IGFN1: variants seen among roughly 807,000 people sequenced by gnomAD.
The protein encoded by IGFN1 is immunoglobulin-like and fibronectin type III domain-containing protein 1.
In IGFN1, 253 loss-of-function variants were observed where a neutral mutation model predicts 289.5. That is an observed-to-expected ratio of 0.87 (90% CI 0.79 to 0.97). IGFN1 has a LOEUF of 0.97. IGFN1 is among the 50% of genes least tolerant of loss of function. The pLI is 0.00. For missense variants in IGFN1, 4,470 were observed against 4,686.1 expected, an observed-to-expected ratio of 0.95 and a Z score of 1.35; for synonymous variants, 1,706 against 1,788.5, an observed-to-expected ratio of 0.95 and a Z score of 1.16.
chr1:201,195,336 G>C (rs1011366177), intron 3 of IGFN1, among the ~76,000 whole-genome samples: 1 of 152,054 alleles, frequency 6.6e-6, no homozygotes, highest in Non-Finnish European at 1.5e-5. Context: ...ATTTTTAATA[G>C]AGATGGGGTT....
chr1:201,191,873 G>A (rs539117920), intron 1 of IGFN1, among the ~76,000 whole-genome samples: 3 of 152,210 alleles, frequency 2.0e-5, no homozygotes, highest in South Asian at 2.1e-4. Flanking sequence ...GATGATGTGG[G>A]TGACGATGGG....
Position 201,228,871 on chromosome 1 carries a change from C to T in IGFN1, c.*472C>T, listed in dbSNP as rs965822643. ...TGTGTGTGGGTGGGGGCAGCCTCCA[C>T]CTCCTGGATTCAAGAGATTCCAGGG... On this transcript the variant is annotated 3_prime_UTR_variant, in exon 24 of 24. Transcript: ENST00000335211. The T allele has an allele frequency of 6.2e-6, 1 of 162,052 alleles. No individual in the cohort carries two copies. Among genetic ancestry groups the T allele is most frequent in the African/African-American group, 2.4e-5 (1 of 41,690 alleles). 10.0% of individuals were successfully genotyped at this position (162,052 alleles called of 1,614,324 possible).
chr1:201,205,234 T>C lies in IGFN1; in HGVS notation c.1069T>C (p.Tyr357His), dbSNP rs1165477874. The C allele has an allele frequency of 2.6e-6, 4 of 1,550,970 alleles. No homozygotes were observed. The highest frequency in any genetic ancestry group is 3.9e-5 in the Admixed American group (2 of 50,984). ...LLHPSDKYEV[Y>H]VSPDGLTHRL... is the part of the protein sequence containing the mutation. Reference sequence around the variant, plus strand: ...CCACCCCAGTGACAAATATGAAGTGTATGTGTCCCCTGACGGGCTGACCCA... The same window carrying C: ...CCACCCCAGTGACAAATATGAAGTGCATGTGTCCCCTGACGGGCTGACCCA... The change falls in exon 11 of 24, where the codon TAT becomes CAT. Residue 357 changes from tyrosine (Y) to histidine (H), a missense_variant. Transcript: ENST00000335211.
chr1:201,215,958 T>A, intron 15 of IGFN1, 120 bp downstream of exon 15: 1 of 997,026 alleles, frequency 1.0e-6, no homozygotes, highest in Non-Finnish European at 1.6e-6. Context: ...ATTTGCATGC[T>A]GTTTAAGATC....
At chr1:201,221,890 C>A in intron 19 of IGFN1, 144 bp downstream of exon 19, 1 of 652,138 alleles carries the variant, frequency 1.5e-6, no homozygotes, top group Non-Finnish European at 2.6e-6. Context: ...CTACTAGGTG[C>A]TAGGTACTGG....
At position 201,207,536 on chromosome 1, in the gene IGFN1, G is replaced by A. The variant is rs1350188728; in HGVS notation, c.2643G>A (p.Gln881=). The A allele has an allele frequency of 6.5e-7, 1 of 1,536,826 alleles. No homozygotes were observed. Among genetic ancestry groups the A allele is most frequent in the East Asian group, 2.4e-5 (1 of 40,924 alleles). The change falls in exon 12 of 24, where the codon CAG becomes CAA. Residue 881 remains glutamine, a synonymous_variant. Transcript: ENST00000335211. The part of the protein sequence containing the change: ...IWVAGLTESG[Q]GVDARSHWLS... ...TGGCTGGACTGACGGAGTCTGGTCA[G>A]GGGGTGGATGCCAGAAGCCACTGGC... is the stretch of plus-strand genomic sequence containing the variant.
chr1:201,191,886 T>G (rs1358986569), intron 1 of IGFN1, among the ~76,000 whole-genome samples: 1 of 151,862 alleles, frequency 6.6e-6, no homozygotes, highest in African/African-American at 2.4e-5. Context: ...ACGATGGGGA[T>G]GATGACTCAG....
Position 201,208,410 on chromosome 1 carries a change from G to C in IGFN1, c.3517G>C (p.Ala1173Pro), listed in dbSNP as rs7551538. The C allele has an allele frequency of 6.9e-7, 1 of 1,449,162 alleles. No homozygotes were observed. Among genetic ancestry groups the C allele is most frequent in the Non-Finnish European group, 9.0e-7 (1 of 1,108,844 alleles). 89.8% of individuals were successfully genotyped at this position (1,449,162 alleles called of 1,614,324 possible). Residue 1173 changes from alanine to proline, a missense_variant, in exon 12 of 24, where the codon GCT becomes CCT. Transcript: ENST00000335211. Reference sequence around the variant, plus strand: ...GGGGGATGGGACAAGATGCCCTGGTGCTAAGGCCTCTGGAGCTGGAGCTGG... The same window carrying C: ...GGGGGATGGGACAAGATGCCCTGGTCCTAAGGCCTCTGGAGCTGGAGCTGG... ...GEGDGTRCPG[A>P]KASGAGAGYR...
intron 13 of IGFN1, 47 bp from the exon 14 acceptor site, chr1:201,214,966 T>C (rs1388969560): frequency 6.3e-7 from 1 of 1,592,508 alleles, no homozygotes. Flanking sequence ...CTGAAGGAAC[T>C]GGGATGGGAG....
rs747703964 is a variant in IGFN1, at chr1:201,201,773, G to A, written c.688G>A (p.Ala230Thr). 31 of 1,549,952 alleles carry A rather than the reference G, an allele frequency of 2.0e-5. 1 individual carries two copies. Among genetic ancestry groups the A allele is most frequent in the South Asian group, 1.9e-4 (16 of 84,036 alleles). ...RHIRVTKDGN[A>T]KFDLELDLKD... Reference sequence around the variant, plus strand: ...CATCAGGGTCACCAAGGATGGGAATGCAAAGTTTGACTTGGAGCTGGATCT... The same window carrying A: ...CATCAGGGTCACCAAGGATGGGAATACAAAGTTTGACTTGGAGCTGGATCT... Residue 230 changes from alanine to threonine, a missense_variant, in exon 9 of 24, where the codon GCA (alanine) becomes ACA (threonine). Transcript: ENST00000335211.
chr1:201,214,027 G>A lies in IGFN1; in HGVS notation c.8729-150G>A, dbSNP rs530712629. 686 of 760,372 alleles carry A rather than the reference G, an allele frequency of 9.0e-4. 3 individuals carry two copies. Among genetic ancestry groups the A allele is most frequent in the South Asian group, 1.4e-3 (66 of 48,802 alleles). The allele number at this position is 760,372 out of a possible 1,614,324, so 47.1% of individuals were successfully genotyped here. ...TGGGCTCCTGTCTGGGAAGACCAGGGCATTGGAGCCAAGATAGCATAGGTG... is the reference window on the plus strand; with the variant it reads ...TGGGCTCCTGTCTGGGAAGACCAGGACATTGGAGCCAAGATAGCATAGGTG... On this transcript the variant is annotated intron_variant, in intron 12 of 23. Transcript: ENST00000335211.
chr1:201,206,242 C>G lies in IGFN1; in HGVS notation c.1349C>G (p.Pro450Arg). 1 of 1,547,338 alleles carries G rather than the reference C, an allele frequency of 6.5e-7. No homozygotes were observed. The change falls in exon 12 of 24, where the codon CCG (proline) becomes CGG (arginine). Residue 450 changes from proline (P) to arginine (R), a missense_variant. Pro to Arg is a moderately radical substitution (Grantham distance 103). Transcript: ENST00000335211. ...GGGGGCTCCCTTGAAGGGGCTGGGC[C>G]GGCTTCTGGGCTCCAGCACATAGCC... ...PRGGSLEGAGPASGLQHIASP... is the reference protein window; with the variant it reads ...PRGGSLEGAGRASGLQHIASP...
chr1:201,221,384 C>A (rs1465142604), intron 18 of IGFN1, 60 bp from the exon 19 acceptor site: 8 of 1,288,614 alleles, frequency 6.2e-6, no homozygotes, highest in South Asian at 1.6e-5. Context: ...TAATCAATAT[C>A]CACACTGAGT....
At chr1:201,226,821 G>A (rs1654125297) in intron 22 of IGFN1, 61 bp from the exon 23 acceptor site, 8 of 1,301,538 alleles carry the variant, frequency 6.1e-6, no homozygotes, top group East Asian at 2.3e-5. Flanking sequence ...CCCAGACCCG[G>A]GTCTCAGCCA....
At chr1:201,193,732 G>T (rs540785444) in intron 2 of IGFN1, among the ~76,000 whole-genome samples, 2 of 152,182 alleles carry the variant, frequency 1.3e-5, no homozygotes, top group Non-Finnish European at 1.5e-5. Flanking sequence ...GATTACTGGC[G>T]TAAGCCACCG....
chr1:201,213,756 C>A, intron 12 of IGFN1, 135 bp downstream of exon 12: 2 of 729,646 alleles, frequency 2.7e-6, no homozygotes, highest in South Asian at 3.8e-5. Context: ...TCCCCATTCT[C>A]AGGAATCTTT....
intron 18 of IGFN1, among the ~76,000 whole-genome samples, chr1:201,220,101 T>TCTCC (rs1653629330): frequency 6.7e-6 from 1 of 148,178 alleles, no homozygotes; most frequent in Admixed American, 6.7e-5. Flanking sequence ...TTTCTTTCTC[T>TCTCC]CTCCCCCTTC....
At chr1:201,221,768 G>A (rs752802828) in intron 19 of IGFN1, 22 bp downstream of exon 19, 72 of 1,555,840 alleles carry the variant, frequency 4.6e-5, no homozygotes, top group Non-Finnish European at 5.6e-5. Context: ...CTCCTTCCCC[G>A]ACCCCTGAGC....
intron 17 of IGFN1, among the ~76,000 whole-genome samples, chr1:201,218,180 T>C (rs1052342660): frequency 2.6e-5 from 4 of 152,258 alleles, no homozygotes; most frequent in Non-Finnish European, 4.4e-5. Flanking sequence ...AGTTTCCTTA[T>C]CTCTAGAAAG....
Sources: gnomAD v4.1 joint callset for allele counts (sites outside exome capture counted in the v4.1 genomes callset) on GRCh38, gnomAD v4.1.1 for gene constraint, MANE v1.5 for transcripts, NCBI Gene and HGNC (gene_info 2026-07-23, HGNC 2026-07-21) for gene names.